Variants in ARB2A observed in about 807,000 individuals in gnomAD.
ARB2A encodes the protein cotranscriptional regulator ARB2A.
the ARB2A span, among the ~76,000 whole-genome samples, chr5:93,800,230 A>C: frequency 6.6e-6 from 1 of 152,102 alleles, no homozygotes; most frequent in Admixed American, 6.6e-5. Context: ...GCTTGACTAT[A>C]GTGGTAATCT....
the ARB2A span, among the ~76,000 whole-genome samples, chr5:93,785,200 T>A: frequency 6.6e-6 from 1 of 152,206 alleles, no homozygotes; most frequent in East Asian, 1.9e-4. Flanking sequence ...GTCTGCCAGA[T>A]AAAGAAATTA....
the ARB2A span, among the ~76,000 whole-genome samples, chr5:93,980,695 T>C: frequency 1.3e-5 from 2 of 152,136 alleles, no homozygotes; most frequent in Admixed American, 6.5e-5. Flanking sequence ...AGACCAACTC[T>C]CCCTTCAGCT....
the ARB2A span, among the ~76,000 whole-genome samples, chr5:93,750,037 G>A: frequency 5.9e-5 from 9 of 152,248 alleles, no homozygotes; most frequent in Middle Eastern, 3.4e-3. Flanking sequence ...GCTCTTTGAG[G>A]GCAGAAGTCA....
the ARB2A span, among the ~76,000 whole-genome samples, chr5:93,656,035 G>C: frequency 6.6e-6 from 1 of 152,190 alleles, no homozygotes; most frequent in African/African-American, 2.4e-5. Context: ...TGCTATGTCT[G>C]CACTGTGTCT....
chr5:94,099,388 G>A, the ARB2A span, among the ~76,000 whole-genome samples: 2 of 151,992 alleles, frequency 1.3e-5, no homozygotes, highest in African/African-American at 4.8e-5. Context: ...ACTTTGGGAG[G>A]TTGAAGTGGG....
the ARB2A span, among the ~76,000 whole-genome samples, chr5:93,757,604 C>T: frequency 2.0e-5 from 3 of 152,110 alleles, no homozygotes; most frequent in Admixed American, 6.5e-5. Flanking sequence ...CAATTATCAG[C>T]CAAGAATTTT....
chr5:93,814,002 C>A, the ARB2A span, among the ~76,000 whole-genome samples: 1 of 152,146 alleles, frequency 6.6e-6, no homozygotes, highest in African/African-American at 2.4e-5. Context: ...CCATTAACAG[C>A]GCTTCTAAGT....
the ARB2A span, among the ~76,000 whole-genome samples, chr5:93,866,861 T>C: frequency 2.6e-5 from 4 of 152,232 alleles, no homozygotes; most frequent in African/African-American, 9.6e-5. Flanking sequence ...GTTTTAGATA[T>C]TATCTTTTGG....
chr5:93,724,760 A>G, the ARB2A span, among the ~76,000 whole-genome samples: 1 of 152,052 alleles, frequency 6.6e-6, no homozygotes, highest in African/African-American at 2.4e-5. Flanking sequence ...ATACATACCT[A>G]TGATAAAGTT....
chr5:93,956,161 C>T, the ARB2A span, among the ~76,000 whole-genome samples: 1 of 152,176 alleles, frequency 6.6e-6, no homozygotes. Flanking sequence ...ACTCTTAATA[C>T]ACTTTTGATA....
chr5:94,004,041 T>A, the ARB2A span, among the ~76,000 whole-genome samples: 2 of 152,140 alleles, frequency 1.3e-5, no homozygotes, highest in East Asian at 3.9e-4. Flanking sequence ...CACACATACA[T>A]ATGCCCAACT....
At chr5:94,022,357 G>A in the ARB2A span, among the ~76,000 whole-genome samples, 2 of 152,102 alleles carry the variant, frequency 1.3e-5, no homozygotes, top group Non-Finnish European at 2.9e-5. Flanking sequence ...ATTCTCTGAG[G>A]CACAAAATGG....
At chr5:94,067,172 G>A in the ARB2A span, among the ~76,000 whole-genome samples, 1 of 152,034 alleles carries the variant, frequency 6.6e-6, no homozygotes, top group African/African-American at 2.4e-5. Context: ...AACAAAGTAG[G>A]CATTGAAAAA....
At chr5:93,924,054 C>T in the ARB2A span, among the ~76,000 whole-genome samples, 2 of 151,954 alleles carry the variant, frequency 1.3e-5, no homozygotes, top group Admixed American at 6.6e-5. Context: ...ATAATTAAGC[C>T]TTCAAATTAT....
chr5:93,633,277 C>T, the ARB2A span, among the ~76,000 whole-genome samples: 1 of 152,170 alleles, frequency 6.6e-6, no homozygotes, highest in Non-Finnish European at 1.5e-5. Flanking sequence ...TTCAGAAATC[C>T]CTCCTAACTG....
At chr5:93,986,900 C>T in the ARB2A span, among the ~76,000 whole-genome samples, 3 of 152,184 alleles carry the variant, frequency 2.0e-5, no homozygotes, top group South Asian at 4.2e-4. Context: ...GGTCCTCTGC[C>T]TAGGAAAACC....
the ARB2A span, among the ~76,000 whole-genome samples, chr5:93,637,811 C>T: frequency 6.6e-6 from 1 of 152,226 alleles, no homozygotes; most frequent in African/African-American, 2.4e-5. Flanking sequence ...CCTTTGCCCT[C>T]AGCACCTGGG....
At chr5:93,683,175 C>A in the ARB2A span, 1 of 1,332,882 alleles carries the variant, frequency 7.5e-7, no homozygotes. Flanking sequence ...TCCTCATCAT[C>A]AAAATCATCA....
the ARB2A span, among the ~76,000 whole-genome samples, chr5:93,761,290 G>A: frequency 7.9e-5 from 12 of 152,288 alleles, no homozygotes; most frequent in Non-Finnish European, 1.5e-4. Flanking sequence ...AAGGGGTCAG[G>A]GAATTCCCTT....
Sources: allele counts gnomAD v4.1 joint callset (sites outside exome capture counted in the v4.1 genomes callset), GRCh38; gene constraint gnomAD v4.1.1; transcripts MANE v1.5; gene names NCBI Gene and HGNC (gene_info 2026-07-23, HGNC 2026-07-21).